EPYC: variants seen among roughly 807,000 people sequenced by gnomAD.
The protein encoded by EPYC is epiphycan, also known as dermatan sulfate proteoglycan 3.
A neutral mutation model predicts 30.1 loss-of-function variants in EPYC; 28 were observed. That is an observed-to-expected ratio of 0.93 (90% confidence interval 0.69 to 1.28). EPYC has a LOEUF of 1.28. EPYC is among the 50% of genes most tolerant of loss of function. The probability of loss-of-function intolerance (pLI) is 0.00; values close to 1 mark genes in which losing one functional copy is unlikely to be tolerated. For missense variants in EPYC, 382 were observed against 383.5 expected, an observed-to-expected ratio of 1.00 and a Z score of 0.03; for synonymous variants, 144 against 141.4, an observed-to-expected ratio of 1.02 and a Z score of -0.13.
rs1426466584 is a variant in EPYC, at chr12:90,970,075, A to C, written c.767T>G (p.Leu256Arg). 5.0e-6 allele frequency: 8 copies of C among 1,613,964 alleles called. No homozygotes were observed. The highest frequency in any genetic ancestry group is 6.8e-6 in the Non-Finnish European group (8 of 1,179,868). The change falls in exon 6 of 7, where the codon CTC (leucine) becomes CGC (arginine). Residue 256 changes from leucine (L) to arginine (R), a missense_variant. Coordinates refer to ENST00000261172, the MANE Select transcript of EPYC (RefSeq NM_004950.5). ...DNNLDHIPLP[L>R]PENLRALHLQ... ...GTGAAGGGCTCGTAGATTTTCTGGG[A>C]GTGGCAGAGGGATGTGGTCCAAGTT...
At chr12:90,967,851 G>A (rs1876937594) in intron 6 of EPYC, among the ~76,000 whole-genome samples, 1 of 151,760 alleles carries the variant, frequency 6.6e-6, no homozygotes, top group South Asian at 2.1e-4. Flanking sequence ...CACACCTAAA[G>A]TTCTAGCTAC....
intron 2 of EPYC, among the ~76,000 whole-genome samples, chr12:90,985,684 C>T (rs1275756182): frequency 1.3e-5 from 2 of 151,794 alleles, no homozygotes; most frequent in Non-Finnish European, 2.9e-5. Context: ...ACAAGCTGCC[C>T]CCTTGCCCAT....
intron 2 of EPYC, among the ~76,000 whole-genome samples, chr12:90,983,284 A>T (rs1877369133): frequency 6.6e-6 from 1 of 152,168 alleles, no homozygotes; most frequent in African/African-American, 2.4e-5. Context: ...CTACAGTTGT[A>T]ACTACTAACA....
intron 3 of EPYC, 41 bp downstream of exon 3, chr12:90,978,047 C>A: frequency 6.7e-7 from 1 of 1,496,134 alleles, no homozygotes; most frequent in Non-Finnish European, 8.9e-7. Flanking sequence ...TTGAGGATGA[C>A]AAAGTGGACT....
intron 1 of EPYC, 76 bp downstream of exon 1, chr12:91,004,871 G>A (rs963424993): frequency 4.6e-5 from 7 of 152,180 alleles, no homozygotes; most frequent in Middle Eastern, 3.4e-3. Context: ...ATTAAGGCAA[G>A]TTAAATTATT....
chr12:90,996,585 T>A (rs1877697792), intron 2 of EPYC, among the ~76,000 whole-genome samples: 1 of 151,944 alleles, frequency 6.6e-6, no homozygotes, highest in Non-Finnish European at 1.5e-5. Flanking sequence ...TAAATATAAT[T>A]TTCATTCCTT....
In EPYC at chr12:90,964,165, G is replaced by T. The variant is rs761128801; in HGVS notation, c.960C>A (p.Ser320Arg). The T allele has an allele frequency of 2.5e-5, 40 of 1,610,986 alleles. No individual in the cohort carries two copies. Among genetic ancestry groups the T allele is most frequent in the Middle Eastern group, 3.3e-4 (2 of 6,078 alleles). Reference sequence around the variant, plus strand: ...TAACCATTATCTGAAATTAGACAAGGCTCCCAACAGGCAGACGAGGTAGAC... The same window carrying T: ...TAACCATTATCTGAAATTAGACAAGTCTCCCAACAGGCAGACGAGGTAGAC... ...YMCLPRLPVG[S>R]LV Residue 320 changes from serine (S) to arginine (R), a missense_variant, in exon 7 of 7, where the codon AGC becomes AGA. By Grantham distance (110) the Ser-to-Arg change is moderately radical. Transcript: ENST00000261172.
At chr12:90,973,084 G>A in intron 3 of EPYC, 104 bp from the exon 4 acceptor site, 1 of 618,458 alleles carries the variant, frequency 1.6e-6, no homozygotes, top group Non-Finnish European at 2.5e-6. Flanking sequence ...CACTAACCAA[G>A]TAGATTTTAT....
At chr12:91,001,357 C>T (rs145345797) in intron 2 of EPYC, among the ~76,000 whole-genome samples, 1 of 152,164 alleles carries the variant, frequency 6.6e-6, no homozygotes, top group African/African-American at 2.4e-5. Flanking sequence ...AGAAGATTTA[C>T]ACTTTAAAGA....
chr12:90,967,005 T>C (rs10859082), intron 6 of EPYC, among the ~76,000 whole-genome samples: 108,853 of 151,294 alleles, frequency 0.72, 41,057 homozygotes, highest in Non-Finnish European at 0.83. Context: ...TTTGTGACTT[T>C]TTTCCTAGGT....
At chr12:91,003,252 C>T (rs934747649) in intron 1 of EPYC, among the ~76,000 whole-genome samples, 8 of 151,728 alleles carry the variant, frequency 5.3e-5, no homozygotes, top group Non-Finnish European at 8.8e-5. Flanking sequence ...TTAATATGTA[C>T]GTTAGTATTT....
chr12:90,965,992 A>G (rs1242133204), intron 6 of EPYC, among the ~76,000 whole-genome samples: 1 of 152,020 alleles, frequency 6.6e-6, no homozygotes, highest in Non-Finnish European at 1.5e-5. Context: ...AACCTGCCAC[A>G]TTGCTGAACT....
At chr12:90,988,293 T>C (rs1303803209) in intron 2 of EPYC, among the ~76,000 whole-genome samples, 2 of 152,126 alleles carry the variant, frequency 1.3e-5, no homozygotes. Context: ...AGGAGCAGCT[T>C]CTTTATTCTT....
intron 3 of EPYC, among the ~76,000 whole-genome samples, chr12:90,973,523 T>C (rs570416508): frequency 6.6e-6 from 1 of 152,300 alleles, no homozygotes; most frequent in East Asian, 1.9e-4. Flanking sequence ...AAATTATGAA[T>C]GTGATAAATG....
rs559162125 is a variant in EPYC at position 90,983,941 on chromosome 12, A to G, written c.166-5679T>C. Reference sequence around the variant, plus strand: ...GGAATTTTAGGATCCCTCCTCAGACAAGCAGGCCTAACAAAAGCTATTCCT... The same window carrying G: ...GGAATTTTAGGATCCCTCCTCAGACGAGCAGGCCTAACAAAAGCTATTCCT... On this transcript the variant is annotated intron_variant, in intron 2 of 6. Transcript: ENST00000261172. Among the ~76,000 whole-genome samples the G allele has an allele frequency of 1.0e-3, 152 of 152,066 alleles. 3 individuals are homozygous for G. In the Middle Eastern group the frequency reaches 0.014, roughly 14 times the overall value.
chr12:90,966,838 T>C (rs1876908404), intron 6 of EPYC, among the ~76,000 whole-genome samples: 1 of 152,144 alleles, frequency 6.6e-6, no homozygotes, highest in Non-Finnish European at 1.5e-5. Flanking sequence ...ATTCAGATTA[T>C]CCATTCTTTA....
intron 2 of EPYC, among the ~76,000 whole-genome samples, chr12:91,001,305 C>T (rs186381344): frequency 6.6e-6 from 1 of 152,006 alleles, no homozygotes; most frequent in African/African-American, 2.4e-5. Flanking sequence ...ACGATTTCAT[C>T]TAAATATTTT....
At chr12:91,001,562 C>T (rs980657395) in intron 2 of EPYC, among the ~76,000 whole-genome samples, 1 of 152,076 alleles carries the variant, frequency 6.6e-6, no homozygotes, top group South Asian at 2.1e-4. Context: ...AGGAACATGT[C>T]ATATCAGATT....
At chr12:91,002,186 T>C (rs1183001286) in intron 2 of EPYC, among the ~76,000 whole-genome samples, 2 of 21,734 alleles carry the variant, frequency 9.2e-5, no homozygotes, top group African/African-American at 1.4e-4. Flanking sequence ...CAAGACACTG[T>C]CTCAAAAAAA....
Sources: allele counts gnomAD v4.1 joint callset (sites outside exome capture counted in the v4.1 genomes callset), GRCh38; gene constraint gnomAD v4.1.1; transcripts MANE v1.5; gene names NCBI Gene and HGNC (gene_info 2026-07-23, HGNC 2026-07-21).